Variants in COL17A1 observed in about 807,000 individuals in gnomAD.
The protein encoded by COL17A1 is collagen type XVII alpha 1 chain, also known as collagen alpha-1(XVII) chain.
A neutral mutation model predicts 218.4 loss-of-function variants in COL17A1; 181 were observed. That is an observed-to-expected ratio of 0.83 (90% CI 0.73 to 0.94). COL17A1 has a LOEUF of 0.94. Among genes scored for constraint, COL17A1 ranks in the 40% least tolerant of loss-of-function variants. COL17A1 has a pLI of 0.00. For missense variants in COL17A1, 1,924 were observed against 1,945.9 expected (o/e 0.99, Z 0.21); for synonymous variants, 721 against 731.0 (o/e 0.99, Z 0.22).
intron 6 of COL17A1, among the ~76,000 whole-genome samples, chr10:104,073,558 C>G (rs1050457266): frequency 3.3e-5 from 5 of 152,204 alleles, no homozygotes; most frequent in African/African-American, 1.2e-4. Context: ...GCTGACTACA[C>G]TGATCAAATG....
Position 104,032,178 on chromosome 10 carries a change from C to T in COL17A1, c.*57G>A, listed in dbSNP as rs886046681. On this transcript the variant is annotated 3_prime_UTR_variant, in exon 56 of 56. Coordinates refer to ENST00000648076, the MANE Select transcript of COL17A1 (RefSeq NM_000494.4). Reference sequence around the variant, plus strand: ...GCTTTCACCCTCTGGAGACCTTGGACCTAAGTGCCACATGCATTATGAGAC... The same window carrying T: ...GCTTTCACCCTCTGGAGACCTTGGATCTAAGTGCCACATGCATTATGAGAC... 7.1e-5 allele frequency: 103 copies of T among 1,445,660 alleles called. 1 individual carries two copies. Among genetic ancestry groups the T allele is most frequent in the Non-Finnish European group, 1.6e-5 (16 of 1,027,366 alleles). 89.6% of individuals were successfully genotyped at this position (1,445,660 alleles called of 1,614,324 possible).
At position 104,049,496 on chromosome 10, in the gene COL17A1, G is replaced by A. The variant is rs2086446855; in HGVS notation, c.2165-25C>T. 4 of 1,613,454 alleles carry A rather than the reference G, an allele frequency of 2.5e-6. 1 individual carries two copies. The South Asian group carries it at 3.3e-5, about 13-fold the overall frequency. On this transcript the variant is annotated intron_variant, in intron 28 of 55. Transcript: ENST00000648076. Reference sequence around the variant, plus strand: ...CCTGCAAAGGACAAAGAACTAGCTGGTTGGACACTTGCAAGCTGTGTATGC... The same window carrying A: ...CCTGCAAAGGACAAAGAACTAGCTGATTGGACACTTGCAAGCTGTGTATGC...
At chr10:104,062,417 T>C (rs2086590962) in intron 11 of COL17A1, 88 bp from the exon 12 acceptor site, 2 of 1,557,312 alleles carry the variant, frequency 1.3e-6, no homozygotes, top group Non-Finnish European at 1.8e-6. Flanking sequence ...CAAACCACTT[T>C]CATGATCAAT....
chr10:104,034,375 G>T, intron 51 of COL17A1, 41 bp from the exon 52 acceptor site: 1 of 1,531,490 alleles, frequency 6.5e-7, no homozygotes, highest in Non-Finnish European at 8.7e-7. Context: ...CTCAGATCTC[G>T]GTGGAGAGAA....
chr10:104,075,027 G>A (rs2086698409), intron 5 of COL17A1, among the ~76,000 whole-genome samples: 2 of 152,136 alleles, frequency 1.3e-5, no homozygotes, highest in Admixed American at 6.6e-5. Flanking sequence ...CCTCAGCATT[G>A]CTGTATGTTC....
intron 35 of COL17A1, 121 bp downstream of exon 35, chr10:104,043,380 C>G: frequency 1.1e-6 from 1 of 925,738 alleles, no homozygotes; most frequent in East Asian, 2.6e-5. Context: ...AGGCCAAACT[C>G]CTTATTCTCT....
At position 104,035,261 on chromosome 10, in the gene COL17A1, A is replaced by G; in HGVS notation, c.3619+2T>C. On this transcript the variant is annotated splice_donor_variant, in intron 50 of 55. Coordinates refer to ENST00000648076, the MANE Select transcript of COL17A1 (RefSeq NM_000494.4). LOFTEE classifies it high-confidence loss of function. ...TCCCCATCCCACTCCACAGTGCCCTACTATGTAAGTAAGACGAGAGGTCCT... is the reference window on the plus strand; with the variant it reads ...TCCCCATCCCACTCCACAGTGCCCTGCTATGTAAGTAAGACGAGAGGTCCT... 1 of 1,612,206 alleles carries G rather than the reference A, an allele frequency of 6.2e-7. No individual in the cohort carries two copies. Among genetic ancestry groups the G allele is most frequent in the East Asian group, 2.2e-5 (1 of 44,836 alleles).
At chr10:104,052,944 G>A in intron 23 of COL17A1, 87 bp downstream of exon 23, 1 of 1,479,604 alleles carries the variant, frequency 6.8e-7, no homozygotes, top group South Asian at 1.1e-5. Context: ...GGGAGAAACA[G>A]AGACAGAGTG....
chr10:104,036,299 T>C (rs529431121), intron 48 of COL17A1, among the ~76,000 whole-genome samples, 193 bp downstream of exon 48: 2 of 147,664 alleles, frequency 1.4e-5, no homozygotes, highest in African/African-American at 5.0e-5. Flanking sequence ...ACCCCCGTTT[T>C]GGCTTTCCTT....
chr10:104,078,677 A>T, intron 2 of COL17A1, 91 bp from the exon 3 acceptor site: 1 of 1,544,524 alleles, frequency 6.5e-7, no homozygotes, highest in African/African-American at 1.4e-5. Context: ...CAGGCTAAGC[A>T]TATTAAATTA....
intron 33 of COL17A1, among the ~76,000 whole-genome samples, chr10:104,044,586 C>G (rs959771154): frequency 6.6e-6 from 1 of 152,148 alleles, no homozygotes; most frequent in Non-Finnish European, 1.5e-5. Flanking sequence ...ATTGCTCTCT[C>G]CCCTAAAGGA....
chr10:104,034,884 C>G (rs2086260101), intron 50 of COL17A1, 117 bp from the exon 51 acceptor site: 1 of 1,291,920 alleles, frequency 7.7e-7, no homozygotes, highest in African/African-American at 1.5e-5. Context: ...GGCTGGGCCT[C>G]CCGGGTGATG....
Position 104,050,625 on chromosome 10 carries a change from G to A in COL17A1, c.2124C>T (p.Pro708=), listed in dbSNP as rs755170425. The change falls in exon 27 of 56, where the codon CCC becomes CCT. Residue 708 remains proline, a synonymous_variant. Coordinates refer to ENST00000648076, the MANE Select transcript of COL17A1 (RefSeq NM_000494.4). ...GDKGPMGPPG[P]KGDQGEKGPR... is the part of the protein sequence containing the mutation. ...GAGCAGCAGTGAGTGGCATACCTTT[G>A]GGTCCTGGTGGTCCCATTGGTCCTT... 6.2e-7 allele frequency: 1 copy of A among 1,613,308 alleles called. No homozygotes were observed. Among genetic ancestry groups the A allele is most frequent in the East Asian group, 2.2e-5 (1 of 44,888 alleles).
chr10:104,074,323 C>A, intron 5 of COL17A1, 92 bp from the exon 6 acceptor site: 1 of 1,551,642 alleles, frequency 6.4e-7, no homozygotes, highest in Non-Finnish European at 8.9e-7. Flanking sequence ...TATTTCTGGA[C>A]CTCCACAGCC....
intron 54 of COL17A1, 38 bp from the exon 55 acceptor site, chr10:104,032,792 A>G: frequency 6.2e-7 from 1 of 1,612,160 alleles, no homozygotes; most frequent in Non-Finnish European, 8.5e-7. Context: ...GTAATACATG[A>G]GTCTGGGGAC....
intron 5 of COL17A1, among the ~76,000 whole-genome samples, chr10:104,075,671 A>G (rs759114073): frequency 6.6e-6 from 1 of 152,238 alleles, no homozygotes; most frequent in Non-Finnish European, 1.5e-5. Flanking sequence ...TTCCCATTGC[A>G]TATGGAATAA....
At chr10:104,055,296 G>C (rs1023420857) in intron 19 of COL17A1, 76 bp downstream of exon 19, 8 of 1,605,308 alleles carry the variant, frequency 5.0e-6, no homozygotes, top group Non-Finnish European at 6.8e-6. Context: ...AAAGAAAAAG[G>C]CTTCTAATCT....
At chr10:104,036,089 A>AGTGAGT (rs2086290090) in intron 48 of COL17A1, among the ~76,000 whole-genome samples, 4 of 1,520 alleles carry the variant, frequency 2.6e-3, no homozygotes, top group Non-Finnish European at 5.4e-3. Context: ...TGTGTATGGG[A>AGTGAGT]GTGTGTGTGT....
chr10:104,059,972 C>A, intron 14 of COL17A1, 147 bp downstream of exon 14: 7 of 1,390,580 alleles, frequency 5.0e-6, no homozygotes, highest in Non-Finnish European at 6.9e-6. Context: ...GACCCTGGAA[C>A]ATACTATTCA....
Sources: gnomAD v4.1 joint callset for allele counts (sites outside exome capture counted in the v4.1 genomes callset) on GRCh38, gnomAD v4.1.1 for gene constraint, MANE v1.5 for transcripts, NCBI Gene and HGNC (gene_info 2026-07-23, HGNC 2026-07-21) for gene names.